Variants in OTOR observed in about 807,000 individuals in gnomAD.
OTOR encodes the protein fibrocyte-derived protein.
In OTOR, 20 loss-of-function variants were observed where a neutral mutation model predicts 15.9. The observed-to-expected ratio is 1.26, with a 90% CI of 0.89 to 1.83. The LOEUF (loss-of-function observed/expected upper bound fraction) is 1.83. OTOR is among the 40% of genes most tolerant of loss of function. The probability of loss-of-function intolerance (pLI) is 0.00; values close to 1 mark genes in which losing one functional copy is unlikely to be tolerated. For synonymous variants in OTOR, 53 were observed against 54.2 expected (o/e 0.98, Z 0.09); for missense variants, 184 against 159.0 (o/e 1.16, Z -0.85).
At chr20:16,748,810 T>A in intron 1 of OTOR, 57 bp from the exon 2 acceptor site, 2 of 1,353,844 alleles carry the variant, frequency 1.5e-6, no homozygotes, top group Non-Finnish European at 2.0e-6. Flanking sequence ...CATTGCCTTT[T>A]ACTGTTATAA....
In OTOR at chr20:16,751,643, GCT is replaced by G. The variant is rs1158454128; in HGVS notation, c.*526_*527del. 6.6e-6 allele frequency: 1 copy of G among 152,198 alleles called. No homozygotes were observed. The highest frequency in any genetic ancestry group is 1.5e-5 in the Non-Finnish European group (1 of 68,050). 9.4% of individuals were successfully genotyped at this position (152,198 alleles called of 1,614,324 possible). A position where few individuals can be genotyped will look rare whatever the true frequency, so the allele number is the denominator to read the frequency against. On this transcript the variant is annotated 3_prime_UTR_variant, in exon 4 of 4. Transcript: ENST00000246081. ...ATATTTGATGCCTTTTGGAGGTAAA[GCT>G]GTTGGGGGAAGAAGAGTTTTTGGAC...
chr20:16,751,111 G>A lies in OTOR; in HGVS notation c.380G>A (p.Cys127Tyr), dbSNP rs1568759727. 3 of 1,544,250 alleles carry A rather than the reference G, an allele frequency of 1.9e-6. No individual in the cohort carries two copies. The highest frequency in any genetic ancestry group is 1.8e-6 in the Non-Finnish European group (2 of 1,140,928). Reference protein sequence around the residue: ...EVPTTDIDFFCE With the variant: ...EVPTTDIDFFYE The stretch of plus-strand genomic sequence containing the variant: ...TTTTTCCAGGATATTGACTTCTTCT[G>A]CGAGTAATAAATTAGTTAAAACTGC... Residue 127 changes from cysteine to tyrosine, a missense_variant, in exon 4 of 4, where the codon TGC becomes TAC. Coordinates refer to ENST00000246081, the MANE Select transcript of OTOR (RefSeq NM_020157.4).
intron 2 of OTOR, 117 bp downstream of exon 2, chr20:16,749,123 A>G (rs1260935267): frequency 1.6e-6 from 1 of 613,180 alleles, no homozygotes; most frequent in Non-Finnish European, 2.5e-6. Flanking sequence ...GTGATTGTAG[A>G]TGGAAATGCA....
intron 1 of OTOR, 96 bp from the exon 2 acceptor site, chr20:16,748,771 C>T: frequency 1.1e-6 from 1 of 923,370 alleles, no homozygotes; most frequent in East Asian, 2.7e-5. Context: ...AATTATCAGT[C>T]ACTCTGATTT....
chr20:16,749,901 A>C lies in OTOR; in HGVS notation c.256-2A>C. On this transcript the variant is annotated splice_acceptor_variant, in intron 2 of 3. Coordinates refer to ENST00000246081, the MANE Select transcript of OTOR (RefSeq NM_020157.4). LOFTEE classifies it high-confidence loss of function. ...CTGATTGCTATTCTTCTGGGCACTT[A>C]GGTTTATGGTGATGGCCAGGACGAG... is the stretch of plus-strand genomic sequence containing the variant. 1 of 1,604,742 alleles carries C rather than the reference A, an allele frequency of 6.2e-7. No individual in the cohort carries two copies. The highest frequency in any genetic ancestry group is 8.5e-7 in the Non-Finnish European group (1 of 1,171,808).
At chr20:16,749,769 C>A in intron 2 of OTOR, 134 bp from the exon 3 acceptor site, 3 of 620,376 alleles carry the variant, frequency 4.8e-6, no homozygotes, top group Admixed American at 2.8e-5. Flanking sequence ...TGCCGCAGCG[C>A]CCCCTGGACC....
chr20:16,748,620 ATG>A, intron 1 of OTOR, 104 bp downstream of exon 1: 1 of 766,966 alleles, frequency 1.3e-6, no homozygotes, highest in Admixed American at 2.3e-5. Context: ...ATCTTCTCCA[ATG>A]TGTATGTTAT....
intron 2 of OTOR, 148 bp from the exon 3 acceptor site, chr20:16,749,753 CGG>C (rs2072516054): frequency 1.8e-5 from 11 of 595,564 alleles, no homozygotes; most frequent in Non-Finnish European, 3.0e-5. Context: ...AAGTAAACTT[CGG>C]ATTTGCCGCA....
Position 16,748,470 on chromosome 20 carries a change from G to A in OTOR, c.69G>A (p.Met23Ile). The A allele has an allele frequency of 6.2e-7, 1 of 1,613,594 alleles. No homozygotes were observed. Among genetic ancestry groups the A allele is most frequent in the Non-Finnish European group, 8.5e-7 (1 of 1,179,512 alleles). Residue 23 changes from methionine (M) to isoleucine (I), a missense_variant, in exon 1 of 4, where the codon ATG (methionine) becomes ATA (isoleucine). Met to Ile is a conservative substitution (Grantham distance 10, BLOSUM62 1). Transcript: ENST00000246081. ...TATGTGCTGTGCATGGAATATTTAT[G>A]GACCGTCTAGCTTCCAAGAAGCTCT... ...VAVCAVHGIF[M>I]DRLASKKLCA... is the part of the protein sequence containing the mutation.
intron 3 of OTOR, among the ~76,000 whole-genome samples, chr20:16,750,329 T>A (rs1324643279): frequency 6.6e-6 from 1 of 152,258 alleles, no homozygotes; most frequent in Non-Finnish European, 1.5e-5. Context: ...GCATACATTA[T>A]GTTTTGATAT....
chr20:16,749,892 T>A lies in OTOR; in HGVS notation c.256-11T>A. ...AGCTTTTTCCTGATTGCTATTCTTC[T>A]GGGCACTTAGGTTTATGGTGATGGC... On this transcript the variant is annotated splice_polypyrimidine_tract_variant and intron_variant, in intron 2 of 3. Coordinates refer to ENST00000246081, the MANE Select transcript of OTOR (RefSeq NM_020157.4). 6.3e-7 allele frequency: 1 copy of A among 1,581,862 alleles called. No individual in the cohort carries two copies. The highest frequency in any genetic ancestry group is 1.1e-5 in the South Asian group (1 of 90,352).
chr20:16,748,814 G>A, intron 1 of OTOR, 53 bp from the exon 2 acceptor site: 3 of 1,394,306 alleles, frequency 2.2e-6, no homozygotes, highest in Admixed American at 2.5e-5. Flanking sequence ...GCCTTTTACT[G>A]TTATAAAATT....
intron 2 of OTOR, chr20:16,749,631 G>C (rs958430342): frequency 6.6e-5 from 27 of 408,308 alleles, no homozygotes; most frequent in African/African-American, 3.8e-4. Context: ...GTTCAAAAAA[G>C]ATTTCAGGCA....
rs1428426061 is a variant in OTOR, at chr20:16,751,129, A to T, written c.*11A>T. 6.6e-7 allele frequency: 1 copy of T among 1,515,192 alleles called. No individual in the cohort carries two copies. The highest frequency in any genetic ancestry group is 2.2e-5 in the Admixed American group (1 of 45,826). The allele number at this position is 1,515,192 out of a possible 1,614,324, so 93.9% of individuals were successfully genotyped here. A position where few individuals can be genotyped will look rare whatever the true frequency, so the allele number is the denominator to read the frequency against. ...TTCTTCTGCGAGTAATAAATTAGTT[A>T]AAACTGCAAATAGAAAGAAAACACC... On this transcript the variant is annotated 3_prime_UTR_variant, in exon 4 of 4. Transcript: ENST00000246081.
intron 3 of OTOR, among the ~76,000 whole-genome samples, chr20:16,750,321 A>C (rs2092471): frequency 0.26 from 39,281 of 152,076 alleles, 5,259 homozygotes; most frequent in Middle Eastern, 0.44. Context: ...CATTTAATGC[A>C]TACATTATGT....
At position 16,751,390 on chromosome 20, in the gene OTOR, C is replaced by G. The variant is rs979623781; in HGVS notation, c.*272C>G. On this transcript the variant is annotated 3_prime_UTR_variant, in exon 4 of 4. Transcript: ENST00000246081. Reference sequence around the variant, plus strand: ...GAGACCAGAAAATTATTTTTTCAACCTAGAGAATCTCCTCTTACAGGGGGA... The same window carrying G: ...GAGACCAGAAAATTATTTTTTCAACGTAGAGAATCTCCTCTTACAGGGGGA... 22 of 410,840 alleles carry G rather than the reference C, an allele frequency of 5.4e-5. 1 individual carries two copies. The highest frequency in any genetic ancestry group is 1.3e-5 in the Non-Finnish European group (3 of 231,280). 25.4% of individuals were successfully genotyped at this position (410,840 alleles called of 1,614,324 possible).
intron 2 of OTOR, chr20:16,749,695 G>A: frequency 1.9e-6 from 1 of 525,068 alleles, no homozygotes; most frequent in Non-Finnish European, 3.4e-6. Context: ...ATAAGACTGG[G>A]CCACTAAACA....
At position 16,748,933 on chromosome 20, in the gene OTOR, A is replaced by C; in HGVS notation, c.182A>C (p.Lys61Thr). The C allele has an allele frequency of 6.2e-7, 1 of 1,612,506 alleles. No homozygotes were observed. The highest frequency in any genetic ancestry group is 1.3e-5 in the African/African-American group (1 of 74,926). Residue 61 changes from lysine (K) to threonine (T), a missense_variant, in exon 2 of 4, where the codon AAA (lysine) becomes ACA (threonine). Lys to Thr is a moderately conservative substitution (Grantham distance 78, BLOSUM62 -1). Transcript: ENST00000246081. ...NAPDCRFINV[K>T]KGQQIYVYSK... Reference sequence around the variant, plus strand: ...CCGGACTGTAGATTCATTAACGTTAAAAAAGGGCAGCAGATCTATGTGTAC... The same window carrying C: ...CCGGACTGTAGATTCATTAACGTTACAAAAGGGCAGCAGATCTATGTGTAC...
In OTOR at chr20:16,750,058, T is replaced by C. The variant is rs8125981; in HGVS notation, c.363+48T>C. ...GACAAGGACTCAGATCTTGGGGCAATGTAGGCCGGTGTTAAAAATGCATCA... is the reference window on the plus strand; with the variant it reads ...GACAAGGACTCAGATCTTGGGGCAACGTAGGCCGGTGTTAAAAATGCATCA... On this transcript the variant is annotated intron_variant, in intron 3 of 3. Coordinates refer to ENST00000246081, the MANE Select transcript of OTOR (RefSeq NM_020157.4). The C allele has an allele frequency of 2.9e-3, 3,524 of 1,224,036 alleles. 16 individuals carry two copies. Among genetic ancestry groups the C allele is most frequent in the Non-Finnish European group, 2.7e-3 (2,278 of 833,642 alleles). 75.8% of individuals were successfully genotyped at this position (1,224,036 alleles called of 1,614,324 possible). A position where few individuals can be genotyped will look rare whatever the true frequency, so the allele number is the denominator to read the frequency against.
Sources: allele counts gnomAD v4.1 joint callset (sites outside exome capture counted in the v4.1 genomes callset), GRCh38; gene constraint gnomAD v4.1.1; transcripts MANE v1.5; gene names NCBI Gene and HGNC (gene_info 2026-07-23, HGNC 2026-07-21).